The following PCSK6 variants were observed in gnomAD, a reference collection of about 807,000 sequenced individuals.
The protein encoded by PCSK6 is proprotein convertase subtilisin/kexin type 6.
In PCSK6, 85 loss-of-function variants were observed where a neutral mutation model predicts 123.3. That is an observed-to-expected ratio of 0.69 (90% CI 0.58 to 0.83). PCSK6 has a LOEUF of 0.83. PCSK6 is among the 40% of genes least tolerant of loss of function. PCSK6 has a pLI of 0.00. For missense variants in PCSK6, 1,191 were observed against 1,282.3 expected (o/e 0.93, Z 1.09); for synonymous variants, 508 against 516.0 (o/e 0.98, Z 0.21).
At chr15:101,352,592 T>A (rs57553650) in intron 13 of PCSK6, among the ~76,000 whole-genome samples, 1 of 152,232 alleles carries the variant, frequency 6.6e-6, no homozygotes. Flanking sequence ...CCTTAGCATA[T>A]CTCTGTGGCT....
intron 1 of PCSK6, among the ~76,000 whole-genome samples, chr15:101,471,387 T>G (rs566868907): frequency 3.3e-5 from 5 of 149,818 alleles, no homozygotes; most frequent in Non-Finnish European, 7.4e-5. Flanking sequence ...CTATGAAATT[T>G]TTCAAACATG....
At chr15:101,403,440 G>A (rs1363306900) in intron 6 of PCSK6, among the ~76,000 whole-genome samples, 9 of 143,358 alleles carry the variant, frequency 6.3e-5, no homozygotes, top group East Asian at 4.1e-4. Flanking sequence ...AAAAAAAAGA[G>A]AGAGAAAAAA....
chr15:101,409,348 G>T (rs997191153), intron 6 of PCSK6, among the ~76,000 whole-genome samples: 1 of 151,850 alleles, frequency 6.6e-6, no homozygotes, highest in Non-Finnish European at 1.5e-5. Flanking sequence ...CACTTTGGGC[G>T]GCCGAGGCGG....
intron 3 of PCSK6, 69 bp from the exon 4 acceptor site, chr15:101,431,532 A>G (rs2056447171): frequency 1.3e-6 from 2 of 1,596,498 alleles, no homozygotes; most frequent in African/African-American, 1.3e-5. Flanking sequence ...CACTCGGTGC[A>G]CACCCCACAG....
At chr15:101,332,459 T>C (rs776131493) in intron 13 of PCSK6, among the ~76,000 whole-genome samples, 8 of 152,184 alleles carry the variant, frequency 5.3e-5, no homozygotes, top group African/African-American at 7.2e-5. Context: ...CTGTGAGTCT[T>C]GCCCTACAGC....
intron 1 of PCSK6, among the ~76,000 whole-genome samples, chr15:101,461,754 G>A (rs1329006009): frequency 6.6e-6 from 1 of 152,100 alleles, no homozygotes; most frequent in Admixed American, 6.5e-5. Context: ...AAAAGCATTA[G>A]ATAAAATTCA....
chr15:101,325,807 G>A (rs1483015652), intron 16 of PCSK6, among the ~76,000 whole-genome samples: 1 of 152,218 alleles, frequency 6.6e-6, no homozygotes, highest in Non-Finnish European at 1.5e-5. Context: ...ATCACAGAAG[G>A]GTCAGCCTGA....
intron 1 of PCSK6, among the ~76,000 whole-genome samples, chr15:101,455,877 A>C (rs1008472235): frequency 6.6e-6 from 1 of 152,238 alleles, no homozygotes; most frequent in Non-Finnish European, 1.5e-5. Flanking sequence ...CTTGGCTTGT[A>C]AACTAAAAAT....
At chr15:101,319,112 C>T (rs118103729) in intron 18 of PCSK6, among the ~76,000 whole-genome samples, 1,955 of 152,336 alleles carry the variant, frequency 0.013, 21 homozygotes, top group Non-Finnish European at 0.019. Flanking sequence ...CCAGCCAGCC[C>T]CTCTACATCT....
chr15:101,410,274 A>G (rs2042908220), intron 6 of PCSK6, among the ~76,000 whole-genome samples: 1 of 152,166 alleles, frequency 6.6e-6, no homozygotes, highest in Admixed American at 6.5e-5. Flanking sequence ...AGGGCTTGCC[A>G]TGAAGCTCAG....
At chr15:101,406,194 G>T (rs1488929099) in intron 6 of PCSK6, among the ~76,000 whole-genome samples, 1 of 134,402 alleles carries the variant, frequency 7.4e-6, no homozygotes, top group African/African-American at 2.8e-5. Context: ...GCAATGGGAA[G>T]AACACACCCA....
At chr15:101,328,128 C>G (rs1306686132) in intron 15 of PCSK6, among the ~76,000 whole-genome samples, 3 of 152,222 alleles carry the variant, frequency 2.0e-5, no homozygotes, top group South Asian at 4.1e-4. Flanking sequence ...CCCAAAACTC[C>G]AGCTCAGCCA....
At chr15:101,393,751 C>T (rs1287429957) in intron 7 of PCSK6, among the ~76,000 whole-genome samples, 1 of 152,230 alleles carries the variant, frequency 6.6e-6, no homozygotes, top group East Asian at 1.9e-4. Context: ...CTGTCATTTC[C>T]ATCGCAATGG....
chr15:101,408,722 T>C (rs2042850504), intron 6 of PCSK6, among the ~76,000 whole-genome samples: 2 of 152,156 alleles, frequency 1.3e-5, no homozygotes, highest in South Asian at 4.1e-4. Context: ...CTGGGAACCT[T>C]TGAAGATTAA....
intron 2 of PCSK6, among the ~76,000 whole-genome samples, chr15:101,441,891 C>T (rs1041661795): frequency 1.3e-5 from 2 of 152,174 alleles, no homozygotes; most frequent in African/African-American, 4.8e-5. Context: ...AGGGATGCTG[C>T]GTCGACCTCT....
chr15:101,403,119 T>C (rs1056035601), intron 6 of PCSK6, among the ~76,000 whole-genome samples: 2 of 151,666 alleles, frequency 1.3e-5, no homozygotes, highest in East Asian at 1.9e-4. Flanking sequence ...ATGTCCTTTG[T>C]AGGGACATGG....
At position 101,443,080 on chromosome 15, in the gene PCSK6, C is replaced by T. The variant is rs771783850; in HGVS notation, c.402+476G>A. On this transcript the variant is annotated intron_variant, in intron 2 of 21. Transcript: ENST00000611716. ...AGTATAATTAACCACCCAATAAATA[C>T]GGGTTATGTTAAAATTTAAAATGTT... Among the ~76,000 whole-genome samples the T allele has an allele frequency of 7.9e-5, 12 of 152,242 alleles. No individual in the cohort carries two copies. The Middle Eastern group carries it at 0.01, about 129-fold the overall frequency.
At chr15:101,404,376 T>C (rs768971070) in intron 6 of PCSK6, among the ~76,000 whole-genome samples, 200 of 152,204 alleles carry the variant, frequency 1.3e-3, no homozygotes, top group Non-Finnish European at 2.6e-3. Context: ...AGGGGTCGGG[T>C]GGACATGAAG....
chr15:101,306,005 C>T (rs2039715154), intron 21 of PCSK6, among the ~76,000 whole-genome samples: 1 of 152,132 alleles, frequency 6.6e-6, no homozygotes, highest in South Asian at 2.1e-4. Context: ...CACATGTGCA[C>T]CTGTCTTTCT....
Sources: allele counts gnomAD v4.1 joint callset (sites outside exome capture counted in the v4.1 genomes callset), GRCh38; gene constraint gnomAD v4.1.1; transcripts MANE v1.5; gene names NCBI Gene and HGNC (gene_info 2026-07-23, HGNC 2026-07-21).